Variants in ZDHHC3 observed in about 807,000 individuals in gnomAD.
The protein encoded by ZDHHC3 is zDHHC palmitoyltransferase 3, also known as palmitoyltransferase ZDHHC3.
ZDHHC3 carries 9 observed loss-of-function variants against 30.6 expected under a neutral mutation model. That is an observed-to-expected ratio of 0.29 (90% CI 0.18 to 0.51). The LOEUF (loss-of-function observed/expected upper bound fraction) is 0.51, where lower values mean the gene tolerates loss of function less well. ZDHHC3 is among the 20% of genes least tolerant of loss of function. The pLI is 0.97. For missense variants in ZDHHC3, 246 were observed against 384.2 expected (o/e 0.64, Z 3.01); for synonymous variants, 136 against 140.2 (o/e 0.97, Z 0.21).
At chr3:44,964,484 C>G (rs1302491298) in intron 1 of ZDHHC3, among the ~76,000 whole-genome samples, 1 of 152,082 alleles carries the variant, frequency 6.6e-6, no homozygotes, top group Non-Finnish European at 1.5e-5. Context: ...GGAGGTGATT[C>G]GAGATGAGGC....
chr3:44,966,910 C>T (rs1425929990), intron 1 of ZDHHC3, among the ~76,000 whole-genome samples: 1 of 152,062 alleles, frequency 6.6e-6, no homozygotes, highest in Non-Finnish European at 1.5e-5. Context: ...AAGAAAGGTG[C>T]CTTATCTTCT....
intron 3 of ZDHHC3, among the ~76,000 whole-genome samples, chr3:44,943,593 AG>A (rs2125861119): frequency 6.6e-6 from 1 of 152,338 alleles, no homozygotes; most frequent in South Asian, 2.1e-4. Flanking sequence ...AAGCCTGACA[AG>A]GAAGATGTCC....
At chr3:44,930,742 C>T (rs1366720556) in intron 5 of ZDHHC3, among the ~76,000 whole-genome samples, 3 of 152,218 alleles carry the variant, frequency 2.0e-5, no homozygotes, top group African/African-American at 4.8e-5. Context: ...GGGAACTTAT[C>T]GATGCCTCAG....
At chr3:44,929,876 C>A (rs1158532380) in intron 5 of ZDHHC3, among the ~76,000 whole-genome samples, 1 of 152,230 alleles carries the variant, frequency 6.6e-6, no homozygotes, top group Non-Finnish European at 1.5e-5. Context: ...TCTGGGCATT[C>A]CTGTATGACG....
At position 44,924,040 on chromosome 3, in the gene ZDHHC3, C is replaced by T. The variant is rs917079529; in HGVS notation, c.*2649G>A. 1 of 985,416 alleles carries T rather than the reference C, an allele frequency of 1.0e-6. No homozygotes were observed. The highest frequency in any genetic ancestry group is 1.2e-6 in the Non-Finnish European group (1 of 829,930). 61.0% of individuals were successfully genotyped at this position (985,416 alleles called of 1,614,324 possible). A position where few individuals can be genotyped will look rare whatever the true frequency, so the allele number is the denominator to read the frequency against. ...AAGCAAGCTGGGGATCACAATCCAA[C>T]AAGCCACATCTTTATTTTTCACTTC... On this transcript the variant is annotated 3_prime_UTR_variant, in exon 7 of 7. Coordinates refer to ENST00000424952, the MANE Select transcript of ZDHHC3 (RefSeq NM_001135179.2).
In ZDHHC3 at chr3:44,919,804, A is replaced by T; in HGVS notation, c.*6885T>A. Reference sequence around the variant, plus strand: ...TGAAAGGTACATGGGAACTCTTTGTACTGTTTTTGTCACATTTTTGTAAGT... The same window carrying T: ...TGAAAGGTACATGGGAACTCTTTGTTCTGTTTTTGTCACATTTTTGTAAGT... On this transcript the variant is annotated 3_prime_UTR_variant, in exon 7 of 7. Transcript: ENST00000424952. The T allele has an allele frequency of 1.2e-6, 1 of 863,266 alleles. No individual in the cohort carries two copies. Among genetic ancestry groups the T allele is most frequent in the Non-Finnish European group, 1.4e-6 (1 of 718,548 alleles). 53.5% of individuals were successfully genotyped at this position (863,266 alleles called of 1,614,324 possible).
chr3:44,921,813 C>G lies in ZDHHC3; in HGVS notation c.*4876G>C. ...CAGACATTTCAACCAAAGACTGAAGCCAGGACCCAAATACTTGGTCACCAG... is the reference window on the plus strand; with the variant it reads ...CAGACATTTCAACCAAAGACTGAAGGCAGGACCCAAATACTTGGTCACCAG... On this transcript the variant is annotated 3_prime_UTR_variant, in exon 7 of 7. Coordinates refer to ENST00000424952, the MANE Select transcript of ZDHHC3 (RefSeq NM_001135179.2). The G allele has an allele frequency of 1.0e-6, 1 of 985,302 alleles. No homozygotes were observed. Among genetic ancestry groups the G allele is most frequent in the South Asian group, 4.7e-5 (1 of 21,288 alleles). 61.0% of individuals were successfully genotyped at this position (985,302 alleles called of 1,614,324 possible).
intron 1 of ZDHHC3, among the ~76,000 whole-genome samples, chr3:44,966,758 A>C (rs1375983630): frequency 6.6e-6 from 1 of 152,208 alleles, no homozygotes; most frequent in African/African-American, 2.4e-5. Flanking sequence ...AAGGATTGTA[A>C]ATTTTATGCC....
chr3:44,933,558 C>T, intron 4 of ZDHHC3: 1 of 533,828 alleles, frequency 1.9e-6, no homozygotes, highest in Non-Finnish European at 3.4e-6. Context: ...AGTCCTTGCA[C>T]TAAGTAGACT....
chr3:44,969,984 TTG>T (rs1705277981), intron 1 of ZDHHC3: 2 of 152,368 alleles, frequency 1.3e-5, no homozygotes, highest in African/African-American at 4.8e-5. Context: ...TGGGCCCACA[TTG>T]TGTCATGTGC....
At chr3:44,958,690 A>T in intron 2 of ZDHHC3, 1 of 1,535,838 alleles carries the variant, frequency 6.5e-7, no homozygotes, top group Non-Finnish European at 8.7e-7. Flanking sequence ...AGGTTCCTGG[A>T]ATTGGATGTG....
chr3:44,930,690 A>G (rs1701414879), intron 5 of ZDHHC3, among the ~76,000 whole-genome samples: 1 of 152,240 alleles, frequency 6.6e-6, no homozygotes, highest in South Asian at 2.1e-4. Flanking sequence ...GTGACAGGTA[A>G]GAAACATCTC....
intron 1 of ZDHHC3, among the ~76,000 whole-genome samples, chr3:44,961,456 C>T (rs1704475207): frequency 6.6e-6 from 1 of 152,138 alleles, no homozygotes; most frequent in African/African-American, 2.4e-5. Context: ...GGTCCATCAA[C>T]CAAAATTTTC....
At chr3:44,956,228 T>C (rs1350237341) in intron 2 of ZDHHC3, among the ~76,000 whole-genome samples, 1 of 152,188 alleles carries the variant, frequency 6.6e-6, no homozygotes, top group Non-Finnish European at 1.5e-5. Flanking sequence ...GTTCCCTGTT[T>C]TCACATGCCT....
intron 5 of ZDHHC3, among the ~76,000 whole-genome samples, chr3:44,931,930 G>T (rs1157002679): frequency 6.6e-6 from 1 of 152,178 alleles, no homozygotes; most frequent in Non-Finnish European, 1.5e-5. Context: ...AGCCCTTTGG[G>T]CCATTCCTGG....
In ZDHHC3 at chr3:44,920,855, C is replaced by T; in HGVS notation, c.*5834G>A. 2 of 985,430 alleles carry T rather than the reference C, an allele frequency of 2.0e-6. No homozygotes were observed. Among genetic ancestry groups the T allele is most frequent in the South Asian group, 4.7e-5 (1 of 21,288 alleles). 61.0% of individuals were successfully genotyped at this position (985,430 alleles called of 1,614,324 possible). On this transcript the variant is annotated 3_prime_UTR_variant, in exon 7 of 7. Transcript: ENST00000424952. ...CAGAGGTCTTCAGCAGTAAAGTCGA[C>T]AAACTTTCAGGGAGTGTTGACTTTT...
At position 44,919,860 on chromosome 3, in the gene ZDHHC3, A is replaced by G. The variant is rs554040833; in HGVS notation, c.*6829T>C. 2.0e-6 allele frequency: 2 copies of G among 1,006,826 alleles called. No homozygotes were observed. The highest frequency in any genetic ancestry group is 8.3e-5 in the South Asian group (2 of 24,236). The allele number at this position is 1,006,826 out of a possible 1,614,324, so 62.4% of individuals were successfully genotyped here. ...TTCACAAAAAGTTTAAAAATAATCAATAATCTGAGACAAAGATTTATGCAA... is the reference window on the plus strand; with the variant it reads ...TTCACAAAAAGTTTAAAAATAATCAGTAATCTGAGACAAAGATTTATGCAA... On this transcript the variant is annotated 3_prime_UTR_variant, in exon 7 of 7. Coordinates refer to ENST00000424952, the MANE Select transcript of ZDHHC3 (RefSeq NM_001135179.2).
At chr3:44,946,739 G>C (rs946468608) in intron 2 of ZDHHC3, among the ~76,000 whole-genome samples, 1 of 152,144 alleles carries the variant, frequency 6.6e-6, no homozygotes, top group Non-Finnish European at 1.5e-5. Context: ...AAGAGGTGAG[G>C]GTGAGCATGG....
intron 3 of ZDHHC3, among the ~76,000 whole-genome samples, chr3:44,944,472 A>G (rs1339864612): frequency 6.6e-6 from 1 of 151,812 alleles, no homozygotes; most frequent in African/African-American, 2.4e-5. Flanking sequence ...TTGTAGAGAT[A>G]GAGTCTCGCT....
Sources: gnomAD v4.1 joint callset for allele counts (sites outside exome capture counted in the v4.1 genomes callset) on GRCh38, gnomAD v4.1.1 for gene constraint, MANE v1.5 for transcripts, NCBI Gene and HGNC (gene_info 2026-07-23, HGNC 2026-07-21) for gene names.